Variants in SORCS1 observed in about 807,000 individuals in gnomAD.
SORCS1 encodes the protein VPS10 domain-containing receptor SorCS1.
Under a neutral mutation model 146.1 loss-of-function variants are expected in SORCS1, and 60 were observed. The ratio of observed to expected loss-of-function variants is 0.41; its 90% CI spans 0.33 to 0.51. The LOEUF (loss-of-function observed/expected upper bound fraction) is 0.51. Among genes scored for constraint, SORCS1 ranks in the 20% least tolerant of loss-of-function variants. The pLI is 0.21. For missense variants in SORCS1, 1,352 were observed against 1,487.6 expected, an observed-to-expected ratio of 0.91 and a Z score of 1.50; for synonymous variants, 637 against 584.0, an observed-to-expected ratio of 1.09 and a Z score of -1.31.
At chr10:106,850,127 C>A (rs549353510) in intron 2 of SORCS1, among the ~76,000 whole-genome samples, 3 of 151,800 alleles carry the variant, frequency 2.0e-5, no homozygotes, top group East Asian at 1.9e-4. Context: ...GTTCGAGCTT[C>A]CCGGCTGCTT....
chr10:106,687,982 C>A (rs1852988014), intron 10 of SORCS1, among the ~76,000 whole-genome samples: 1 of 152,162 alleles, frequency 6.6e-6, no homozygotes, highest in Non-Finnish European at 1.5e-5. Flanking sequence ...CCTGGAAGGG[C>A]ACAAGAAATA....
At position 106,944,871 on chromosome 10, in the gene SORCS1, C is replaced by CTTTTTTTTTTTTTT. The variant is rs1564838013; in HGVS notation, c.626+11641_626+11642insAAAAAAAAAAAAAA. Among the ~76,000 whole-genome samples the CTTTTTTTTTTTTTT allele has an allele frequency of 1.2e-3, 71 of 61,008 alleles. 6 individuals are homozygous for CTTTTTTTTTTTTTT. Among genetic ancestry groups the CTTTTTTTTTTTTTT allele is most frequent in the East Asian group, 3.2e-3 (8 of 2,536 alleles). 40.0% of individuals were successfully genotyped at this position (61,008 alleles called of 152,430 possible). ...ATGGTAGAAAGAAGCAAGAAAGAGC[C>CTTTTTTTTTTTTTT]TTCTTTTTTTTTTTTTTTTTTTTTT... On this transcript the variant is annotated intron_variant, in intron 2 of 25. Coordinates refer to ENST00000263054, the MANE Select transcript of SORCS1 (RefSeq NM_052918.5).
chr10:106,880,867 TCA>T (rs1950777900), intron 2 of SORCS1, among the ~76,000 whole-genome samples: 1 of 151,638 alleles, frequency 6.6e-6, no homozygotes, highest in African/African-American at 2.4e-5. Flanking sequence ...GGCGGGCGGA[TCA>T]CAAGGTCAGG....
In SORCS1 at chr10:107,159,027, T is replaced by G. The variant is rs550422234; in HGVS notation, c.558+4942A>C. Among the ~76,000 whole-genome samples, 4 of 151,482 alleles carry G rather than the reference T, an allele frequency of 2.6e-5. No individual in the cohort carries two copies. In the East Asian group the frequency reaches 7.8e-4, roughly 30 times the overall value. Reference sequence around the variant, plus strand: ...GCATTTTTTTGGGGGGGAAGGGGGGTCCAAAGTTAGCAAGTTCCTTAACAT... The same window carrying G: ...GCATTTTTTTGGGGGGGAAGGGGGGGCCAAAGTTAGCAAGTTCCTTAACAT... On this transcript the variant is annotated intron_variant, in intron 1 of 25. Coordinates refer to ENST00000263054, the MANE Select transcript of SORCS1 (RefSeq NM_052918.5).
At chr10:106,709,384 A>T in intron 6 of SORCS1, 43 bp from the exon 7 acceptor site, 1 of 1,232,258 alleles carries the variant, frequency 8.1e-7, no homozygotes, top group Non-Finnish European at 1.2e-6. Flanking sequence ...GTTGAGGGGG[A>T]TATACAGACA....
chr10:107,049,861 G>T (rs1280634596), intron 1 of SORCS1, among the ~76,000 whole-genome samples: 1 of 152,148 alleles, frequency 6.6e-6, no homozygotes, highest in Non-Finnish European at 1.5e-5. Flanking sequence ...TGGTGTCTTG[G>T]ATATATGTAC....
Position 106,995,772 on chromosome 10 carries a change from T to A in SORCS1, c.559-39192A>T, listed in dbSNP as rs1956964377. ...AGTAGCAGCAACAATAATAATACAATGCTAAGTGATAATTTAAAAAAAAAC... is the reference window on the plus strand; with the variant it reads ...AGTAGCAGCAACAATAATAATACAAAGCTAAGTGATAATTTAAAAAAAAAC... On this transcript the variant is annotated intron_variant, in intron 1 of 25. Transcript: ENST00000263054. Among the ~76,000 whole-genome samples, 4 of 151,936 alleles carry A rather than the reference T, an allele frequency of 2.6e-5. No individual in the cohort carries two copies. In the South Asian group the frequency reaches 8.3e-4, roughly 31 times the overall value.
chr10:106,816,661 A>G (rs1350162725), intron 3 of SORCS1, among the ~76,000 whole-genome samples: 1 of 152,214 alleles, frequency 6.6e-6, no homozygotes. Context: ...AAGGTCATTT[A>G]ATTGAAAATG....
intron 14 of SORCS1, among the ~76,000 whole-genome samples, chr10:106,673,522 A>G (rs2135495669): frequency 6.6e-6 from 1 of 152,346 alleles, no homozygotes; most frequent in African/African-American, 2.4e-5. Context: ...TCAAGTCATA[A>G]TAACAGGCAG....
chr10:106,906,671 G>A (rs529734616), intron 2 of SORCS1, among the ~76,000 whole-genome samples: 13 of 152,204 alleles, frequency 8.5e-5, no homozygotes, highest in Non-Finnish European at 1.3e-4. Flanking sequence ...GGAATTCTGG[G>A]AGATACAATT....
intron 1 of SORCS1, among the ~76,000 whole-genome samples, chr10:107,054,298 ACT>A (rs1564977827): frequency 6.6e-6 from 1 of 152,154 alleles, no homozygotes; most frequent in Non-Finnish European, 1.5e-5. Context: ...GGTGAGGCAG[ACT>A]CTGGAACAAT....
chr10:106,743,580 G>T (rs970012680), intron 5 of SORCS1, among the ~76,000 whole-genome samples: 21 of 151,930 alleles, frequency 1.4e-4, no homozygotes, highest in African/African-American at 5.1e-4. Context: ...GCATACCACC[G>T]TGCCTGGCTA....
chr10:107,175,648 C>T, the SORCS1 span, among the ~76,000 whole-genome samples: 1 of 152,008 alleles, frequency 6.6e-6, no homozygotes, highest in South Asian at 2.1e-4. Flanking sequence ...GTGACCCAGG[C>T]TGGTCTCAAA....
chr10:107,043,648 T>C (rs984396493), intron 1 of SORCS1, among the ~76,000 whole-genome samples: 2 of 152,244 alleles, frequency 1.3e-5, no homozygotes, highest in Admixed American at 1.3e-4. Flanking sequence ...AAGGTCATCA[T>C]GGCCCCCAAG....
intron 10 of SORCS1, among the ~76,000 whole-genome samples, chr10:106,684,860 G>C (rs2135596147): frequency 6.6e-6 from 1 of 152,284 alleles, no homozygotes; most frequent in Non-Finnish European, 1.5e-5. Flanking sequence ...GTCTCCTGTA[G>C]CTCAAAGATT....
In SORCS1 at chr10:106,725,780, A is replaced by C. The variant is rs189637863; in HGVS notation, c.1024+4270T>G. ...ACCCCATCTCTACCAAAAATACAAA[A>C]ATTAGCCTGGTGTGGTGGTGCACGC... On this transcript the variant is annotated intron_variant, in intron 6 of 25. Coordinates refer to ENST00000263054, the MANE Select transcript of SORCS1 (RefSeq NM_052918.5). Among the ~76,000 whole-genome samples, 179 of 151,242 alleles carry C rather than the reference A, an allele frequency of 1.2e-3. 3 individuals are homozygous for C. Among genetic ancestry groups the C allele is most frequent in the African/African-American group, 4.3e-3 (177 of 41,198 alleles).
At chr10:106,602,530 CACACACACACACACACACACAA>C (rs1414094526) in intron 23 of SORCS1, among the ~76,000 whole-genome samples, 126 of 150,960 alleles carry the variant, frequency 8.3e-4, no homozygotes, top group African/African-American at 2.6e-3. Context: ...CACACACACA[CACACACACACACACACACACAA>C]ACACACACAC....
chr10:106,631,497 C>T (rs1254907124), intron 18 of SORCS1, among the ~76,000 whole-genome samples: 2 of 152,110 alleles, frequency 1.3e-5, no homozygotes, highest in African/African-American at 4.8e-5. Flanking sequence ...GGAAAGAGCC[C>T]ACTTTTGAAG....
intron 2 of SORCS1, among the ~76,000 whole-genome samples, chr10:106,902,462 A>T (rs975821444): frequency 1.3e-5 from 2 of 152,222 alleles, no homozygotes; most frequent in African/African-American, 4.8e-5. Context: ...AGAATACTTA[A>T]ACATTAAAGT....
Sources: allele counts gnomAD v4.1 joint callset (sites outside exome capture counted in the v4.1 genomes callset), GRCh38; gene constraint gnomAD v4.1.1; transcripts MANE v1.5; gene names NCBI Gene and HGNC (gene_info 2026-07-23, HGNC 2026-07-21).